The following FBN1 variants were observed in gnomAD, a reference collection of about 807,000 sequenced individuals.
FBN1 encodes the protein fibrillin 1.
A neutral mutation model predicts 365.1 loss-of-function variants in FBN1; 29 were observed. That is an observed-to-expected ratio of 0.08 (90% CI 0.06 to 0.11). FBN1 has a LOEUF of 0.11. Ranked by LOEUF, FBN1 falls within the 10% of genes least tolerant of loss-of-function variation. The probability of loss-of-function intolerance (pLI) is 1.00; values close to 1 mark genes in which losing one functional copy is unlikely to be tolerated. For missense variants in FBN1, 2,476 were observed against 3,703.2 expected (o/e 0.67, Z 8.60); for synonymous variants, 1,210 against 1,270.5 (o/e 0.95, Z 1.01).
intron 8 of FBN1, among the ~76,000 whole-genome samples, chr15:48,527,493 G>A (rs1173235288): frequency 6.6e-6 from 1 of 152,208 alleles, no homozygotes; most frequent in African/African-American, 2.4e-5. Context: ...ATTTGAGCCA[G>A]GCCTCCTGGG....
At chr15:48,485,753 A>T (rs2043501951) in intron 29 of FBN1, among the ~76,000 whole-genome samples, 1 of 152,136 alleles carries the variant, frequency 6.6e-6, no homozygotes, top group South Asian at 2.1e-4. Context: ...ACCATGCAAA[A>T]TCCTGGCTTC....
rs928808359 is a variant in FBN1, at chr15:48,626,271, A to G, written c.165-13179T>C. 1.9e-4 allele frequency among the ~76,000 whole-genome samples: 29 copies of G among 152,070 alleles called. No homozygotes were observed. In the South Asian group the frequency reaches 5.8e-3, roughly 31 times the overall value. ...GACCCTGTCTCAAAAAAAAAAAAAA[A>G]ATGAAAAGTATAATTACTAGTAAGA... On this transcript the variant is annotated intron_variant, in intron 2 of 65. Coordinates refer to ENST00000316623, the MANE Select transcript of FBN1 (RefSeq NM_000138.5).
chr15:48,625,089 A>C (rs73396356), intron 2 of FBN1, among the ~76,000 whole-genome samples: 2,118 of 152,298 alleles, frequency 0.014, 56 homozygotes, highest in African/African-American at 0.049. Flanking sequence ...GTGCAGGGTG[A>C]TTTGATACTT....
intron 52 of FBN1, 104 bp from the exon 53 acceptor site, chr15:48,437,181 A>T: frequency 3.6e-6 from 4 of 1,106,056 alleles, no homozygotes; most frequent in Non-Finnish European, 4.1e-6. Flanking sequence ...TAATAATGCA[A>T]TAATATAATT....
chr15:48,592,812 G>A (rs2044488647), intron 6 of FBN1, among the ~76,000 whole-genome samples: 1 of 152,154 alleles, frequency 6.6e-6, no homozygotes, highest in Non-Finnish European at 1.5e-5. Flanking sequence ...GTGACAATAG[G>A]TAGTGGTGGG....
chr15:48,511,749 A>C (rs1455642029), intron 13 of FBN1, among the ~76,000 whole-genome samples: 1 of 152,174 alleles, frequency 6.6e-6, no homozygotes, highest in Non-Finnish European at 1.5e-5. Context: ...CTAGCTCTTA[A>C]AGAAGGCAGT....
In FBN1 at chr15:48,503,779, C is replaced by A. The variant is rs763708195; in HGVS notation, c.2113+8G>T. 2 of 1,613,620 alleles carry A rather than the reference C, an allele frequency of 1.2e-6. No individual in the cohort carries two copies. The highest frequency in any genetic ancestry group is 1.1e-5 in the South Asian group (1 of 91,048). On this transcript the variant is annotated splice_region_variant and intron_variant, in intron 17 of 65. Transcript: ENST00000316623. ...GCAGTACGAGGGCATCTCCATGATACCACATACCTGAATTCTGTGCAGGAC... is the reference window on the plus strand; with the variant it reads ...GCAGTACGAGGGCATCTCCATGATAACACATACCTGAATTCTGTGCAGGAC...
At chr15:48,618,040 G>A (rs775478227) in intron 2 of FBN1, among the ~76,000 whole-genome samples, 3 of 152,110 alleles carry the variant, frequency 2.0e-5, no homozygotes, top group Non-Finnish European at 2.9e-5. Context: ...AAGGGCTAAT[G>A]AGACTGACCC....
At chr15:48,627,507 C>T (rs1029567272) in intron 2 of FBN1, among the ~76,000 whole-genome samples, 15 of 152,212 alleles carry the variant, frequency 9.9e-5, no homozygotes, top group Admixed American at 2.6e-4. Flanking sequence ...ACACACACTT[C>T]AACATGGGTG....
chr15:48,452,479 A>G (rs1318189727), intron 45 of FBN1, 83 bp downstream of exon 45: 1 of 1,506,816 alleles, frequency 6.6e-7, no homozygotes, highest in African/African-American at 1.4e-5. Flanking sequence ...CAGCTTAACT[A>G]TCTGAAAATA....
At chr15:48,578,905 T>G (rs1056510579) in intron 6 of FBN1, among the ~76,000 whole-genome samples, 4 of 144,880 alleles carry the variant, frequency 2.8e-5, no homozygotes, top group Non-Finnish European at 6.0e-5. Flanking sequence ...TACCTAATGC[T>G]AGATGACGAG....
chr15:48,633,271 C>A (rs1459062440), intron 2 of FBN1, among the ~76,000 whole-genome samples: 6 of 152,166 alleles, frequency 3.9e-5, no homozygotes, highest in African/African-American at 1.4e-4. Flanking sequence ...GAGGAAAACA[C>A]AAGAATTTAA....
Position 48,414,000 on chromosome 15 carries a change from C to T in FBN1, c.8052-1257G>A, listed in dbSNP as rs568393886. The stretch of plus-strand genomic sequence containing the variant: ...CTCATCCTGTGGGTGTGTGCGCATG[C>T]GTATACATTCACACAATGATTAAAT... On this transcript the variant is annotated intron_variant, in intron 64 of 65. Transcript: ENST00000316623. 1.6e-4 allele frequency among the ~76,000 whole-genome samples: 25 copies of T among 152,232 alleles called. No individual in the cohort carries two copies. In the South Asian group the frequency reaches 3.1e-3, roughly 19 times the overall value.
intron 42 of FBN1, among the ~76,000 whole-genome samples, chr15:48,461,670 T>C (rs909111688): frequency 8.5e-5 from 13 of 152,202 alleles, no homozygotes; most frequent in African/African-American, 3.1e-4. Flanking sequence ...AAGACCATTA[T>C]TCAAGATCAA....
intron 27 of FBN1, 23 bp from the exon 28 acceptor site, chr15:48,487,460 T>C: frequency 6.2e-7 from 1 of 1,612,672 alleles, no homozygotes; most frequent in Non-Finnish European, 8.5e-7. Context: ...AATGACCATG[T>C]TAAAGGTGGG....
At chr15:48,429,291 C>T (rs540156870) in intron 56 of FBN1, among the ~76,000 whole-genome samples, 1 of 152,116 alleles carries the variant, frequency 6.6e-6, no homozygotes, top group East Asian at 1.9e-4. Context: ...CTAGATTAAT[C>T]TTCAGATTAA....
At chr15:48,424,957 C>T (rs2042967687) in intron 60 of FBN1, among the ~76,000 whole-genome samples, 1 of 152,180 alleles carries the variant, frequency 6.6e-6, no homozygotes, top group Non-Finnish European at 1.5e-5. Flanking sequence ...GGCACAATGT[C>T]CTCTACGATC....
intron 17 of FBN1, 77 bp downstream of exon 17, chr15:48,503,710 G>C (rs1190938474): frequency 6.3e-7 from 1 of 1,596,116 alleles, no homozygotes; most frequent in South Asian, 1.1e-5. Context: ...CATCTTCCCT[G>C]TGAATTCCAC....
At chr15:48,462,623 T>C (rs1240385497) in intron 42 of FBN1, among the ~76,000 whole-genome samples, 1 of 152,186 alleles carries the variant, frequency 6.6e-6, no homozygotes, top group Non-Finnish European at 1.5e-5. Context: ...CTCTTTCTTA[T>C]TCTTGTTTGC....
Sources: gnomAD v4.1 joint callset for allele counts (sites outside exome capture counted in the v4.1 genomes callset) on GRCh38, gnomAD v4.1.1 for gene constraint, MANE v1.5 for transcripts, NCBI Gene and HGNC (gene_info 2026-07-23, HGNC 2026-07-21) for gene names.